The following SLX4 variants were observed in gnomAD, a reference collection of about 807,000 sequenced individuals.
SLX4 encodes the protein structure-specific endonuclease subunit SLX4.
SLX4 carries 112 observed loss-of-function variants against 146.2 expected under a neutral mutation model. That is an observed-to-expected ratio of 0.77 (90% CI 0.66 to 0.90). SLX4 has a LOEUF of 0.90. Ranked by LOEUF, SLX4 falls within the 40% of genes least tolerant of loss-of-function variation. SLX4 has a pLI of 0.00. For synonymous variants in SLX4, 1,061 were observed against 997.7 expected, an observed-to-expected ratio of 1.06 and a Z score of -1.20; for missense variants, 2,563 against 2,392.7, an observed-to-expected ratio of 1.07 and a Z score of -1.49.
chr16:3,593,628 C>T (rs892819196), intron 10 of SLX4, among the ~76,000 whole-genome samples: 4 of 152,122 alleles, frequency 2.6e-5, no homozygotes, highest in African/African-American at 9.7e-5. Context: ...TTTGTCAAAT[C>T]GTATTGGGAC....
rs765485426 is a variant in SLX4, at chr16:3,589,245, G to A, written c.4393C>T (p.Arg1465Cys). The A allele has an allele frequency of 1.5e-5, 24 of 1,606,906 alleles. No homozygotes were observed. The highest frequency in any genetic ancestry group is 1.3e-4 in the African/African-American group (10 of 74,676). ...SRRMNEAADS[R>C]DCRSPGLLDT... ...AGGAGTCCCGGGGAGCGACAGTCAC[G>A]GCTGTCGGCGGCCTCGTTCATCCTG... Residue 1465 changes from arginine (R) to cysteine (C), a missense_variant, in exon 12 of 15, where the codon CGT becomes TGT. Arg to Cys is a radical substitution (Grantham distance 180, BLOSUM62 -3). Coordinates refer to ENST00000294008, the MANE Select transcript of SLX4 (RefSeq NM_032444.4). The surrounding 1 kb of genome is among the most constrained non-coding windows in gnomAD (Gnocchi z 6.2).
In SLX4 at chr16:3,583,234, A is replaced by C; in HGVS notation, c.5016T>G (p.His1672Gln). The change falls in exon 14 of 15, where the codon CAT becomes CAG. Residue 1672 changes from histidine (H) to glutamine (Q), a missense_variant. By Grantham distance (24) the His-to-Gln change is conservative (BLOSUM62 0). Coordinates refer to ENST00000294008, the MANE Select transcript of SLX4 (RefSeq NM_032444.4). Reference protein sequence around the residue: ...TKGPRHQRKHHESITPPSRSP... With the variant: ...TKGPRHQRKHQESITPPSRSP... Reference sequence around the variant, plus strand: ...ACCTGCTTGGGGGTGTGATGCTTTCATGATGCTTCCTTTGATGTCGGGGGC... The same window carrying C: ...ACCTGCTTGGGGGTGTGATGCTTTCCTGATGCTTCCTTTGATGTCGGGGGC... 1 of 1,614,156 alleles carries C rather than the reference A, an allele frequency of 6.2e-7. No homozygotes were observed.
At chr16:3,584,966 G>A (rs2151118195) in intron 12 of SLX4, 95 bp from the exon 13 acceptor site, 2 of 931,502 alleles carry the variant, frequency 2.1e-6, no homozygotes, top group East Asian at 4.8e-5. Context: ...TAATGCACTT[G>A]AAGATAACCC....
intron 4 of SLX4, 62 bp downstream of exon 4, chr16:3,602,056 C>A: frequency 1.9e-6 from 3 of 1,608,728 alleles, no homozygotes; most frequent in South Asian, 2.2e-5. Context: ...CACTCCAGCC[C>A]TGGGGTGCTT....
chr16:3,597,769 C>G lies in SLX4; in HGVS notation c.1366+28G>C. 1.2e-6 allele frequency: 2 copies of G among 1,614,128 alleles called. No individual in the cohort carries two copies. Among genetic ancestry groups the G allele is most frequent in the Non-Finnish European group, 1.7e-6 (2 of 1,180,018 alleles). Reference sequence around the variant, plus strand: ...ACCCGGGACCTGCTGATGGCCTCTCCCAGGGTCACTCTTCTGATCACACAA... The same window carrying G: ...ACCCGGGACCTGCTGATGGCCTCTCGCAGGGTCACTCTTCTGATCACACAA... On this transcript the variant is annotated intron_variant, in intron 6 of 14. Transcript: ENST00000294008. This position sits in a 1 kb window ranked among gnomAD's most constrained non-coding sequence, Gnocchi z 4.4.
intron 4 of SLX4, 89 bp from the exon 5 acceptor site, chr16:3,601,280 G>A (rs1306658375): frequency 1.4e-6 from 2 of 1,399,120 alleles, no homozygotes; most frequent in Non-Finnish European, 2.0e-6. Context: ...CAGACGTGCT[G>A]TGGTCAAAGC....
chr16:3,604,769 G>A (rs965369623), intron 3 of SLX4, among the ~76,000 whole-genome samples: 4 of 147,916 alleles, frequency 2.7e-5, no homozygotes, highest in Admixed American at 1.4e-4. Context: ...GCAGTGAGCC[G>A]AGATTGCGCC....
At chr16:3,604,079 A>G (rs994266799) in intron 3 of SLX4, among the ~76,000 whole-genome samples, 2 of 151,970 alleles carry the variant, frequency 1.3e-5, no homozygotes, top group African/African-American at 4.8e-5. Context: ...AAAATACAAA[A>G]AAATTAGCCG....
At chr16:3,594,335 T>G (rs1596524887) in intron 10 of SLX4, 118 bp downstream of exon 10, 3 of 1,360,888 alleles carry the variant, frequency 2.2e-6, no homozygotes, top group Non-Finnish European at 3.0e-6. Flanking sequence ...GGGCAGGAAG[T>G]GAGGGAGAGT....
rs1323817915 is a variant in SLX4 at position 3,582,660 on chromosome 16, C to G, written c.5187G>C (p.Glu1729Asp). 1 of 1,613,196 alleles carries G rather than the reference C, an allele frequency of 6.2e-7. No individual in the cohort carries two copies. The highest frequency in any genetic ancestry group is 1.1e-5 in the South Asian group (1 of 91,082). ...SSSCEFGAAFESAGEEEGEGE... is the reference protein window; with the variant it reads ...SSSCEFGAAFDSAGEEEGEGE... ...CCTCGCCCTCCTCTTCACCTGCAGA[C>G]TCAAATGCCGCTCCAAACTCACAGG... Residue 1729 changes from glutamate (E) to aspartate (D), a missense_variant, in exon 15 of 15, where the codon GAG becomes GAC. Transcript: ENST00000294008.
chr16:3,588,540 G>A (rs1453264545), intron 12 of SLX4, among the ~76,000 whole-genome samples: 1 of 152,194 alleles, frequency 6.6e-6, no homozygotes, highest in Non-Finnish European at 1.5e-5. Flanking sequence ...GCGCTTCTAT[G>A]AACATGCATG....
In SLX4 at chr16:3,606,655, C is replaced by T. The variant is rs148887586; in HGVS notation, c.579G>A (p.Leu193=). 6 of 1,614,048 alleles carry T rather than the reference C, an allele frequency of 3.7e-6. No individual in the cohort carries two copies. In the African/African-American group the frequency reaches 8.0e-5, roughly 22 times the overall value. ...TGGAGGGACTTGGCACTGCTGTTGT[C>T]AAACAGGAAGGAGGAGGCTGGGAGT... ...NSDSQPPPSC[L]TTAVPSPSKP... is the part of the protein sequence containing the mutation. The change falls in exon 3 of 15, where the codon TTG becomes TTA. Residue 193 remains leucine, a synonymous_variant. Coordinates refer to ENST00000294008, the MANE Select transcript of SLX4 (RefSeq NM_032444.4).
At position 3,583,451 on chromosome 16, in the gene SLX4, T is replaced by C. The variant is rs2151117076; in HGVS notation, c.4799A>G (p.Gln1600Arg). 1.2e-6 allele frequency: 2 copies of C among 1,614,154 alleles called. No individual in the cohort carries two copies. The highest frequency in any genetic ancestry group is 2.7e-5 in the African/African-American group (2 of 75,034). Residue 1600 changes from glutamine to arginine, a missense_variant, in exon 14 of 15, where the codon CAG (glutamine) becomes CGG (arginine). Gln to Arg is a conservative substitution (Grantham distance 43, BLOSUM62 1). Coordinates refer to ENST00000294008, the MANE Select transcript of SLX4 (RefSeq NM_032444.4). ...QMVLKLKEIF[Q>R]YTHQTLDSDS... is the part of the protein sequence containing the mutation. ...TGAGTCCAGGGTCTGGTGAGTGTAC[T>C]GGAATATCTCCTTCAGCTTCAGAAC...
intron 9 of SLX4, 132 bp downstream of exon 9, chr16:3,595,473 T>G: frequency 1.0e-6 from 1 of 982,108 alleles, no homozygotes; most frequent in Non-Finnish European, 1.6e-6. Flanking sequence ...GGCAGCCTTC[T>G]GGAAAGCAGA....
At chr16:3,610,753 G>C (rs76396575) in intron 1 of SLX4, among the ~76,000 whole-genome samples, 21 of 152,316 alleles carry the variant, frequency 1.4e-4, no homozygotes, top group East Asian at 1.3e-3. Flanking sequence ...CTCTTTGGCT[G>C]ATCTGGTGCC....
intron 8 of SLX4, among the ~76,000 whole-genome samples, 155 bp downstream of exon 8, chr16:3,595,998 G>T (rs1170218998): frequency 6.6e-6 from 1 of 152,238 alleles, no homozygotes; most frequent in East Asian, 1.9e-4. Context: ...ATTGACCTTT[G>T]AGAAAAAATG....
At chr16:3,598,942 A>G (rs1203919949) in intron 5 of SLX4, among the ~76,000 whole-genome samples, 1 of 152,206 alleles carries the variant, frequency 6.6e-6, no homozygotes, top group Admixed American at 6.5e-5. Flanking sequence ...TGATGACCAC[A>G]GGCTTGGCCT....
Position 3,589,439 on chromosome 16 carries a change from T to C in SLX4, c.4199A>G (p.Asp1400Gly), listed in dbSNP as rs2151121867. 1 of 1,604,460 alleles carries C rather than the reference T, an allele frequency of 6.2e-7. No individual in the cohort carries two copies. The highest frequency in any genetic ancestry group is 2.2e-5 in the East Asian group (1 of 44,586). ...GEVVEVGDSD[D>G]EQEVASHQAN... ...CTGATGGGAGGCCACCTCCTGCTCA[T>C]CGTCACTGTCTCCGACTTCCACCAC... The change falls in exon 12 of 15, where the codon GAT becomes GGT. Residue 1400 changes from aspartate to glycine, a missense_variant. Transcript: ENST00000294008. This position sits in a 1 kb window ranked among gnomAD's most constrained non-coding sequence, Gnocchi z 6.2.
chr16:3,591,892 T>C (rs376413221), intron 11 of SLX4, among the ~76,000 whole-genome samples: 4 of 152,180 alleles, frequency 2.6e-5, no homozygotes, highest in Admixed American at 2.6e-4. Flanking sequence ...TGGTGGCTCA[T>C]GCCCATAATC....
Sources: allele counts gnomAD v4.1 joint callset (sites outside exome capture counted in the v4.1 genomes callset), GRCh38; gene constraint gnomAD v4.1.1; non-coding constraint Gnocchi (gnomAD v3.1); transcripts MANE v1.5; gene names NCBI Gene and HGNC (gene_info 2026-07-23, HGNC 2026-07-21).